TNRC6A: variants seen among roughly 807,000 people sequenced by gnomAD.
TNRC6A encodes trinucleotide repeat containing adaptor 6A.
A neutral mutation model predicts 221.2 loss-of-function variants in TNRC6A; 44 were observed. The observed-to-expected ratio is 0.20, with a 90% CI of 0.16 to 0.26. The LOEUF (loss-of-function observed/expected upper bound fraction) is 0.26, where lower values mean the gene tolerates loss of function less well. Ranked by LOEUF, TNRC6A falls within the 10% of genes least tolerant of loss-of-function variation. TNRC6A has a pLI of 1.00. For synonymous variants in TNRC6A, 847 were observed against 838.5 expected, an observed-to-expected ratio of 1.01 and a Z score of -0.18; for missense variants, 2,199 against 2,404.4, an observed-to-expected ratio of 0.91 and a Z score of 1.79.
intron 2 of TNRC6A, among the ~76,000 whole-genome samples, chr16:24,742,452 A>G (rs1370492243): frequency 1.3e-5 from 2 of 152,202 alleles, no homozygotes; most frequent in East Asian, 1.9e-4. Flanking sequence ...AGTAAGAATT[A>G]AAAGAGTGCA....
intron 4 of TNRC6A, among the ~76,000 whole-genome samples, chr16:24,767,614 C>T (rs2057501294): frequency 6.6e-6 from 1 of 151,984 alleles, no homozygotes; most frequent in Non-Finnish European, 1.5e-5. Flanking sequence ...ATAGTTTGCC[C>T]ATGTTTTGCA....
Position 24,647,775 on chromosome 16 carries a change from C to T in TNRC6A, n.402+6766C>T, listed in dbSNP as rs188838982. ...TACAGGCACGCGCCACCATGCCTGG[C>T]TAATTTTTGTATTTTTAGTAGAGAT... On this transcript the variant is annotated intron_variant and non_coding_transcript_variant, in intron 2 of 2. Transcript: ENST00000566108. Among the ~76,000 whole-genome samples, 380 of 152,262 alleles carry T rather than the reference C, an allele frequency of 2.5e-3. 2 individuals carry two copies. Among genetic ancestry groups the T allele is most frequent in the African/African-American group, 8.6e-3 (358 of 41,560 alleles).
At chr16:24,729,546 C>T, upstream of TNRC6A, 1 of 374,872 alleles carries the variant, frequency 2.7e-6, no homozygotes, top group Non-Finnish European at 4.7e-6. Context: ...CACGCCGGGG[C>T]GGTTGCCAAG....
At chr16:24,727,836 A>G (rs1427152020), upstream of TNRC6A, among the ~76,000 whole-genome samples, 2 of 152,232 alleles carry the variant, frequency 1.3e-5, no homozygotes, top group South Asian at 2.1e-4. Flanking sequence ...ATATGTGTGT[A>G]GGTAAATGAA....
At chr16:24,615,666 G>T (rs547030074) in intron 1 of TNRC6A, among the ~76,000 whole-genome samples, 4 of 152,290 alleles carry the variant, frequency 2.6e-5, no homozygotes, top group African/African-American at 7.2e-5. Context: ...TGGAGAGGGG[G>T]AATGAACATT....
intron 9 of TNRC6A, among the ~76,000 whole-genome samples, chr16:24,797,213 G>C (rs2058237756): frequency 6.6e-6 from 1 of 152,076 alleles, no homozygotes; most frequent in Non-Finnish European, 1.5e-5. Flanking sequence ...ATATTTGTGG[G>C]TCATCGAGGC....
At chr16:24,620,512 G>A (rs757570409) in intron 1 of TNRC6A, among the ~76,000 whole-genome samples, 4 of 152,140 alleles carry the variant, frequency 2.6e-5, no homozygotes, top group Non-Finnish European at 4.4e-5. Flanking sequence ...GCTCAGGCTG[G>A]GTGTTCTGGC....
At position 24,790,683 on chromosome 16, in the gene TNRC6A, C is replaced by T. The variant is rs760543735; in HGVS notation, c.2041C>T (p.Arg681Cys). The T allele has an allele frequency of 6.8e-6, 11 of 1,613,994 alleles. No homozygotes were observed. Among genetic ancestry groups the T allele is most frequent in the African/African-American group, 2.7e-5 (2 of 74,880 alleles). The change falls in exon 6 of 25, where the codon CGC becomes TGC. Residue 681 changes from arginine to cysteine, a missense_variant. By Grantham distance (180) the Arg-to-Cys change is radical. Around this residue, in one of 8 missense-constraint regions of TNRC6A, gnomAD observed 1,405 missense variants for 1,400.2 expected, o/e 1.00. Coordinates refer to ENST00000395799, the MANE Select transcript of TNRC6A (RefSeq NM_014494.4). The stretch of plus-strand genomic sequence containing the variant: ...CGATGGTAGTACAGAAAGCACTGGA[C>T]GCCTTGAGGAAAAAGGAACTGGGGA... The part of the protein sequence containing the change: ...ESDGSTESTG[R>C]LEEKGTGESQ...
intron 4 of TNRC6A, among the ~76,000 whole-genome samples, chr16:24,765,189 T>C (rs12598296): frequency 0.059 from 8,983 of 152,296 alleles, 729 homozygotes; most frequent in East Asian, 0.36. Flanking sequence ...CCTTCTATTA[T>C]AACGAATTTC....
Position 24,793,606 on chromosome 16 carries a change from G to C in TNRC6A, c.3309G>C (p.Thr1103=), listed in dbSNP as rs768040697. 2 of 1,554,528 alleles carry C rather than the reference G, an allele frequency of 1.3e-6. No homozygotes were observed. Among genetic ancestry groups the C allele is most frequent in the Non-Finnish European group, 1.7e-6 (2 of 1,149,290 alleles). The part of the protein sequence containing the change: ...EPIAAASSTS[T]WGSSSVGPQA... ...TTGCTGCGGCATCCAGCACATCCAC[G>C]TGGGGCTCCAGCTCTGTTGGTCCAC... Residue 1103 remains threonine, a synonymous_variant, in exon 7 of 25, where the codon ACG becomes ACC. Coordinates refer to ENST00000395799, the MANE Select transcript of TNRC6A (RefSeq NM_014494.4).
At position 24,806,199 on chromosome 16, in the gene TNRC6A, C is replaced by CG. The variant is rs2151993177; in HGVS notation, c.4252-7_4252-6insG. ...TAGTAACAACCTTTTCGCTATCTTT[C>CG]CTCTAGCGATTGTTAGCGCAGCAGC... On this transcript the variant is annotated splice_region_variant and splice_polypyrimidine_tract_variant and intron_variant, in intron 15 of 24. Transcript: ENST00000395799. The CG allele has an allele frequency of 2.5e-6, 4 of 1,613,824 alleles. No homozygotes were observed. The East Asian group carries it at 8.9e-5, about 36-fold the overall frequency.
intron 1 of TNRC6A, among the ~76,000 whole-genome samples, chr16:24,614,246 G>C (rs1054491942): frequency 6.6e-6 from 1 of 152,228 alleles, no homozygotes; most frequent in African/African-American, 2.4e-5. Context: ...CACAAGCATT[G>C]TTCAAGCATT....
intron 11 of TNRC6A, 119 bp from the exon 12 acceptor site, chr16:24,804,058 C>T: frequency 9.5e-7 from 1 of 1,050,464 alleles, no homozygotes. Flanking sequence ...TTTTCACATA[C>T]CCTTGTCTTG....
At chr16:24,667,942 T>C (rs944280706) in intron 2 of TNRC6A, among the ~76,000 whole-genome samples, 8 of 152,156 alleles carry the variant, frequency 5.3e-5, no homozygotes, top group African/African-American at 1.9e-4. Context: ...GCAGAATCTC[T>C]TGGGCCCAGA....
At chr16:24,822,251 C>A (rs573472614) in intron 23 of TNRC6A, 104 bp downstream of exon 23, 4 of 1,124,042 alleles carry the variant, frequency 3.6e-6, no homozygotes, top group South Asian at 1.4e-5. Context: ...GTAGTGAAGC[C>A]GAGCAGAGGA....
intron 1 of TNRC6A, among the ~76,000 whole-genome samples, chr16:24,613,905 A>G (rs906555594): frequency 3.9e-5 from 6 of 152,172 alleles, no homozygotes; most frequent in Admixed American, 1.3e-4. Flanking sequence ...CACAAGAGGT[A>G]TATCAGTTTT....
chr16:24,777,649 TC>T (rs1567459258), intron 5 of TNRC6A, among the ~76,000 whole-genome samples: 1 of 152,072 alleles, frequency 6.6e-6, no homozygotes, highest in East Asian at 1.9e-4. Context: ...TGAGCACCCT[TC>T]CCCCCAGGCC....
chr16:24,672,763 T>C (rs1221216706), intron 2 of TNRC6A, among the ~76,000 whole-genome samples: 1 of 118,588 alleles, frequency 8.4e-6, no homozygotes. Context: ...TCTTAGATGA[T>C]ACAGGCTGAA....
chr16:24,822,779 A>G (rs533331964), intron 23 of TNRC6A, 95 bp from the exon 24 acceptor site: 371 of 1,519,322 alleles, frequency 2.4e-4, no homozygotes, highest in Non-Finnish European at 3.2e-4. Context: ...ACAGAGCCTC[A>G]GGAAAGAGAG....
Sources: allele counts gnomAD v4.1 joint callset (sites outside exome capture counted in the v4.1 genomes callset), GRCh38; gene constraint gnomAD v4.1.1; regional missense constraint gnomAD v4.1.1; transcripts MANE v1.5; gene names NCBI Gene and HGNC (gene_info 2026-07-23, HGNC 2026-07-21).